Variants in DLGAP1 observed in about 807,000 individuals in gnomAD.
The protein encoded by DLGAP1 is DLG associated protein 1.
In DLGAP1, 11 loss-of-function variants were observed where a neutral mutation model predicts 90.8. That is an observed-to-expected ratio of 0.12 (90% CI 0.08 to 0.20). The LOEUF (loss-of-function observed/expected upper bound fraction) is 0.20, where lower values mean the gene tolerates loss of function less well. Among genes scored for constraint, DLGAP1 ranks in the 10% least tolerant of loss-of-function variants. The pLI, the probability that DLGAP1 is intolerant of heterozygous loss-of-function variation, is 1.00. For synonymous variants in DLGAP1, 558 were observed against 540.7 expected (o/e 1.03, Z -0.44); for missense variants, 1,050 against 1,333.8 (o/e 0.79, Z 3.31).
intron 2 of DLGAP1, among the ~76,000 whole-genome samples, chr18:4,047,722 T>C (rs1333634080): frequency 6.6e-6 from 1 of 152,232 alleles, no homozygotes; most frequent in African/African-American, 2.4e-5. Flanking sequence ...AGCTGTTATA[T>C]GGTCCATGAA....
intron 1 of DLGAP1, among the ~76,000 whole-genome samples, chr18:4,196,471 A>C (rs995168498): frequency 1.3e-5 from 2 of 152,282 alleles, no homozygotes; most frequent in Non-Finnish European, 2.9e-5. Context: ...AACACTGCTT[A>C]CTACATGAGC....
At chr18:3,550,619 C>T (rs962724725) in intron 9 of DLGAP1, among the ~76,000 whole-genome samples, 5 of 151,566 alleles carry the variant, frequency 3.3e-5, no homozygotes, top group Admixed American at 2.6e-4. Flanking sequence ...AGGACACAGA[C>T]ACACACAGAG....
intron 1 of DLGAP1, among the ~76,000 whole-genome samples, chr18:4,265,524 T>TTTCC (rs1230711827): frequency 8.7e-6 from 1 of 115,514 alleles, no homozygotes; most frequent in East Asian, 2.9e-4. Context: ...TTTTTCTTTC[T>TTTCC]TTCCTTCCTT....
Position 3,690,662 on chromosome 18 carries a change from G to A in DLGAP1, c.1591+38473C>T, listed in dbSNP as rs73368671. Among the ~76,000 whole-genome samples the A allele has an allele frequency of 9.8e-3, 1,499 of 152,324 alleles. 14 individuals carry two copies. The highest frequency in any genetic ancestry group is 0.029 in the African/African-American group (1,215 of 41,576). ...TTTTAAAAAGGAATAAGGAAAGGAA[G>A]TGATTAGTCTTTTCGCTTCCCTATT... is the stretch of plus-strand genomic sequence containing the variant. On this transcript the variant is annotated intron_variant, in intron 7 of 12. Transcript: ENST00000315677.
intron 10 of DLGAP1, among the ~76,000 whole-genome samples, chr18:3,510,317 C>A (rs2050469527): frequency 6.6e-6 from 1 of 152,190 alleles, no homozygotes; most frequent in Admixed American, 6.5e-5. Context: ...TTGCTTAGGA[C>A]TGTGTTGGAT....
intron 1 of DLGAP1, among the ~76,000 whole-genome samples, chr18:4,207,219 TTA>T (rs2077738330): frequency 6.6e-6 from 1 of 152,078 alleles, no homozygotes; most frequent in South Asian, 2.1e-4. Context: ...CTCAGGGAAC[TTA>T]CAACAATGGC....
At chr18:3,924,149 G>T (rs1465089906) in intron 3 of DLGAP1, among the ~76,000 whole-genome samples, 1 of 152,146 alleles carries the variant, frequency 6.6e-6, no homozygotes, top group Admixed American at 6.6e-5. Flanking sequence ...CCTGGCAGAG[G>T]CTAGAAAGCA....
intron 2 of DLGAP1, among the ~76,000 whole-genome samples, chr18:4,099,731 T>G (rs370462942): frequency 6.6e-6 from 1 of 150,536 alleles, no homozygotes; most frequent in African/African-American, 2.4e-5. Flanking sequence ...AGAGTTGAGG[T>G]CTTGCACTGT....
intron 7 of DLGAP1, among the ~76,000 whole-genome samples, chr18:3,633,462 G>A (rs138326635): frequency 6.1e-4 from 92 of 151,800 alleles, no homozygotes; most frequent in African/African-American, 2.1e-3. Context: ...GAGGGGGAGT[G>A]CTTTGCATGC....
intron 6 of DLGAP1, among the ~76,000 whole-genome samples, chr18:3,739,254 G>C (rs1200264770): frequency 1.3e-5 from 2 of 151,426 alleles, no homozygotes; most frequent in Admixed American, 1.3e-4. Context: ...AATACCATTT[G>C]ACCCAGCCAT....
intron 9 of DLGAP1, among the ~76,000 whole-genome samples, chr18:3,563,657 T>C (rs2054273425): frequency 6.6e-6 from 1 of 151,874 alleles, no homozygotes; most frequent in Admixed American, 6.6e-5. Flanking sequence ...TTAGTAGAGA[T>C]GGGGTTTCTC....
intron 4 of DLGAP1, among the ~76,000 whole-genome samples, chr18:3,839,407 T>A (rs1310521346): frequency 6.6e-6 from 1 of 152,038 alleles, no homozygotes; most frequent in Non-Finnish European, 1.5e-5. Flanking sequence ...AGTGTGAAAA[T>A]CACTAGAAAA....
chr18:3,776,096 A>T (rs1201918966), intron 5 of DLGAP1, among the ~76,000 whole-genome samples: 1 of 152,162 alleles, frequency 6.6e-6, no homozygotes, highest in Non-Finnish European at 1.5e-5. Flanking sequence ...ATGACCAGTG[A>T]GCAGCCTGAG....
chr18:4,414,505 CTTGAAGTCAG>C (rs1286167986), intron 1 of DLGAP1, among the ~76,000 whole-genome samples: 1 of 152,116 alleles, frequency 6.6e-6, no homozygotes, highest in East Asian at 1.9e-4. Context: ...GGGTGGATCA[CTTGAAGTCAG>C]GAGTTGCAGA....
rs375751213 is a variant in DLGAP1 at position 3,645,346 on chromosome 18, T to A, written c.1592-63098A>T. ...TTGAGCTATGTGAATATATATATAT[T>A]TTTTTAATACAGAAAATGAAAATAA... On this transcript the variant is annotated intron_variant, in intron 7 of 12. Transcript: ENST00000315677. Among the ~76,000 whole-genome samples the A allele has an allele frequency of 8.0e-4, 120 of 150,732 alleles. 1 individual carries two copies. Among genetic ancestry groups the A allele is most frequent in the East Asian group, 7.3e-3 (38 of 5,186 alleles).
At chr18:3,822,750 T>C (rs902080780) in intron 4 of DLGAP1, among the ~76,000 whole-genome samples, 8 of 152,164 alleles carry the variant, frequency 5.3e-5, no homozygotes, top group African/African-American at 1.4e-4. Flanking sequence ...TGGGGAGCCA[T>C]GGGCCTTTGG....
At chr18:4,294,602 T>C (rs1316915656) in intron 1 of DLGAP1, 1 of 152,252 alleles carries the variant, frequency 6.6e-6, no homozygotes, top group African/African-American at 2.4e-5. Context: ...TTTCTGTGAT[T>C]CCCAAAACCC....
chr18:4,135,328 T>C (rs959417911), intron 2 of DLGAP1, among the ~76,000 whole-genome samples: 1 of 152,118 alleles, frequency 6.6e-6, no homozygotes, highest in African/African-American at 2.4e-5. Flanking sequence ...GGGTTTGATG[T>C]GACCAGGAAG....
intron 1 of DLGAP1, among the ~76,000 whole-genome samples, chr18:4,452,931 T>C (rs2083869852): frequency 6.6e-6 from 1 of 152,194 alleles, no homozygotes; most frequent in South Asian, 2.1e-4. Context: ...ATATTGCCTG[T>C]AATGTTTGAG....
Sources: allele counts gnomAD v4.1 joint callset (sites outside exome capture counted in the v4.1 genomes callset), GRCh38; gene constraint gnomAD v4.1.1; transcripts MANE v1.5; gene names NCBI Gene and HGNC (gene_info 2026-07-23, HGNC 2026-07-21).